The following KCTD5 variants were observed in gnomAD, a reference collection of about 807,000 sequenced individuals.
KCTD5 encodes the protein potassium channel tetramerization domain containing 5, also known as BTB/POZ domain-containing protein KCTD5.
KCTD5 carries 12 observed loss-of-function variants against 27.9 expected under a neutral mutation model. The ratio of observed to expected loss-of-function variants is 0.43; its 90% CI spans 0.28 to 0.70. The LOEUF is 0.70. KCTD5 is among the 30% of genes least tolerant of loss of function. KCTD5 has a pLI of 0.19. For synonymous variants in KCTD5, 147 were observed against 121.4 expected, an observed-to-expected ratio of 1.21 and a Z score of -1.39; for missense variants, 226 against 274.8, an observed-to-expected ratio of 0.82 and a Z score of 1.26.
chr16:2,696,897 C>A (rs2067588587), intron 2 of KCTD5, among the ~76,000 whole-genome samples: 1 of 152,266 alleles, frequency 6.6e-6, no homozygotes, highest in Non-Finnish European at 1.5e-5. Context: ...TCTCTGGTCG[C>A]TTGGGCAGCC....
At chr16:2,687,892 T>C (rs1475595277) in intron 1 of KCTD5, among the ~76,000 whole-genome samples, 4 of 152,064 alleles carry the variant, frequency 2.6e-5, no homozygotes, top group Admixed American at 6.5e-5. Flanking sequence ...TCCCTGGGCG[T>C]CAACTCGGCA....
At position 2,687,520 on chromosome 16, in the gene KCTD5, C is replaced by T. The variant is rs117359533; in HGVS notation, c.252+4720C>T. Among the ~76,000 whole-genome samples the T allele has an allele frequency of 6.9e-3, 1,047 of 152,338 alleles. 11 individuals carry two copies. Among genetic ancestry groups the T allele is most frequent in the Non-Finnish European group, 0.011 (765 of 68,030 alleles). ...AAGCTGGTCCACCTGCCTGTTTTTG[C>T]AAGTAAAGTTTTACAGGAATGCAGA... On this transcript the variant is annotated intron_variant, in intron 1 of 5. Coordinates refer to ENST00000301738, the MANE Select transcript of KCTD5 (RefSeq NM_018992.4).
chr16:2,692,422 G>A (rs2067570551), intron 1 of KCTD5, among the ~76,000 whole-genome samples: 2 of 152,184 alleles, frequency 1.3e-5, no homozygotes, highest in African/African-American at 4.8e-5. Context: ...GCTCTCAGCA[G>A]AGAAGCGGCC....
chr16:2,691,006 C>T (rs1222242226), intron 1 of KCTD5, among the ~76,000 whole-genome samples: 2 of 152,352 alleles, frequency 1.3e-5, no homozygotes, highest in East Asian at 3.9e-4. Context: ...CTGTCTGGGC[C>T]TGGGCTGGCA....
rs146344746 is a variant in KCTD5 at position 2,707,870 on chromosome 16, C to T, written c.*543C>T. 5.5e-4 allele frequency: 99 copies of T among 180,528 alleles called. No homozygotes were observed. Among genetic ancestry groups the T allele is most frequent in the African/African-American group, 2.2e-3 (94 of 42,596 alleles). The allele number at this position is 180,528 out of a possible 1,614,324, so 11.2% of individuals were successfully genotyped here. A position where few individuals can be genotyped will look rare whatever the true frequency, so the allele number is the denominator to read the frequency against. On this transcript the variant is annotated 3_prime_UTR_variant, in exon 6 of 6. Coordinates refer to ENST00000301738, the MANE Select transcript of KCTD5 (RefSeq NM_018992.4). ...AAAGGCGGCTTCTGCGTCGTCACTG[C>T]TTCCCGGCGCCATTCCGAGGCCGGG...
At chr16:2,702,510 GTCT>G in intron 5 of KCTD5, 32 bp downstream of exon 5, 5 of 1,606,792 alleles carry the variant, frequency 3.1e-6, no homozygotes, top group Non-Finnish European at 3.4e-6. Flanking sequence ...GCCTGGGGCA[GTCT>G]TGGGTGGGGA....
intron 4 of KCTD5, among the ~76,000 whole-genome samples, chr16:2,701,090 C>T (rs953645700): frequency 2.6e-5 from 4 of 152,322 alleles, no homozygotes; most frequent in Admixed American, 6.5e-5. Context: ...CCCCATGTGG[C>T]ACCTGTGCTC....
At chr16:2,689,559 G>C (rs565602678) in intron 1 of KCTD5, among the ~76,000 whole-genome samples, 14 of 145,866 alleles carry the variant, frequency 9.6e-5, no homozygotes, top group Non-Finnish European at 1.1e-4. Context: ...CCGCAGGGCC[G>C]ACCCTCTTTG....
chr16:2,705,491 C>T (rs867966775), intron 5 of KCTD5, among the ~76,000 whole-genome samples: 1 of 152,122 alleles, frequency 6.6e-6, no homozygotes, highest in African/African-American at 2.4e-5. Flanking sequence ...CCACTCGTGC[C>T]GCCAGCCCTA....
At chr16:2,696,656 G>A (rs1159900527) in intron 2 of KCTD5, among the ~76,000 whole-genome samples, 2 of 152,186 alleles carry the variant, frequency 1.3e-5, no homozygotes, top group African/African-American at 4.8e-5. Context: ...ACCTGCGTGC[G>A]GGCGTGGCCC....
chr16:2,698,663 G>A (rs1018394356), intron 3 of KCTD5, among the ~76,000 whole-genome samples: 2 of 149,158 alleles, frequency 1.3e-5, no homozygotes, highest in African/African-American at 2.4e-5. Flanking sequence ...CTGTGGCCGC[G>A]GCTGCCATCA....
chr16:2,687,023 G>C (rs1336084356), intron 1 of KCTD5, among the ~76,000 whole-genome samples: 2 of 152,170 alleles, frequency 1.3e-5, no homozygotes, highest in Non-Finnish European at 2.9e-5. Context: ...CACGATCTTC[G>C]CTCTGACCAC....
intron 1 of KCTD5, 137 bp downstream of exon 1, chr16:2,682,937 T>C: frequency 9.0e-7 from 1 of 1,115,726 alleles, no homozygotes; most frequent in Non-Finnish European, 1.2e-6. Flanking sequence ...CGCTCCCTTG[T>C]CGCCAGCTCC....
intron 5 of KCTD5, among the ~76,000 whole-genome samples, chr16:2,706,343 G>A (rs1250304086): frequency 4.6e-5 from 7 of 152,202 alleles, no homozygotes; most frequent in Non-Finnish European, 8.8e-5. Flanking sequence ...GGCTGTGCCC[G>A]GCGAGGGCGT....
At position 2,682,695 on chromosome 16, in the gene KCTD5, C is replaced by G; in HGVS notation, c.147C>G (p.Asn49Lys). 1 of 1,609,896 alleles carries G rather than the reference C, an allele frequency of 6.2e-7. No homozygotes were observed. Among genetic ancestry groups the G allele is most frequent in the Non-Finnish European group, 8.5e-7 (1 of 1,178,720 alleles). The change falls in exon 1 of 6, where the codon AAC (asparagine) becomes AAG (lysine). Residue 49 changes from asparagine to lysine, a missense_variant. By Grantham distance (94) the Asn-to-Lys change is moderately conservative (BLOSUM62 0). Transcript: ENST00000301738. ...PGSVSKWVRL[N>K]VGGTYFLTTR... ...GCGTGTCCAAGTGGGTCCGACTCAACGTCGGCGGCACCTACTTCCTCACCA... is the reference window on the plus strand; with the variant it reads ...GCGTGTCCAAGTGGGTCCGACTCAAGGTCGGCGGCACCTACTTCCTCACCA...
rs1331711665 is a variant in KCTD5 at position 2,708,408 on chromosome 16, C to T, written c.*1081C>T. 1 of 152,648 alleles carries T rather than the reference C, an allele frequency of 6.6e-6. No homozygotes were observed. Among genetic ancestry groups the T allele is most frequent in the Non-Finnish European group, 1.5e-5 (1 of 68,052 alleles). 9.5% of individuals were successfully genotyped at this position (152,648 alleles called of 1,614,324 possible). A position where few individuals can be genotyped will look rare whatever the true frequency, so the allele number is the denominator to read the frequency against. ...TCCTTTAGAAACCGCTGCCCGCATG[C>T]TTTGAAAACAGACCTTTCTCAGCTG... On this transcript the variant is annotated 3_prime_UTR_variant, in exon 6 of 6. Transcript: ENST00000301738.
intron 4 of KCTD5, among the ~76,000 whole-genome samples, chr16:2,701,556 G>T (rs2067612141): frequency 6.6e-6 from 1 of 152,222 alleles, no homozygotes; most frequent in African/African-American, 2.4e-5. Flanking sequence ...TGGGTCCACT[G>T]CTGCCCACTG....
At chr16:2,697,721 C>G (rs925898226) in intron 2 of KCTD5, among the ~76,000 whole-genome samples, 185 bp from the exon 3 acceptor site, 1 of 152,204 alleles carries the variant, frequency 6.6e-6, no homozygotes, top group Non-Finnish European at 1.5e-5. Context: ...GCCCATTATC[C>G]CAGGAGCCCT....
At chr16:2,704,937 G>A (rs1484655795) in intron 5 of KCTD5, among the ~76,000 whole-genome samples, 1 of 152,188 alleles carries the variant, frequency 6.6e-6, no homozygotes, top group Non-Finnish European at 1.5e-5. Context: ...GACCAGCCCC[G>A]GATCGCAAGA....
Sources: allele counts gnomAD v4.1 joint callset (sites outside exome capture counted in the v4.1 genomes callset), GRCh38; gene constraint gnomAD v4.1.1; transcripts MANE v1.5; gene names NCBI Gene and HGNC (gene_info 2026-07-23, HGNC 2026-07-21).